Variants in SLIT2 observed in about 807,000 individuals in gnomAD.
The protein encoded by SLIT2 is slit guidance ligand 2, also known as slit homolog 2 protein.
In SLIT2, 41 loss-of-function variants were observed where a neutral mutation model predicts 185.7. That is an observed-to-expected ratio of 0.22 (90% CI 0.17 to 0.29). SLIT2 has a LOEUF of 0.29. Among genes scored for constraint, SLIT2 ranks in the 10% least tolerant of loss-of-function variants. The probability of loss-of-function intolerance (pLI) is 1.00; values close to 1 mark genes in which losing one functional copy is unlikely to be tolerated. For missense variants in SLIT2, 1,571 were observed against 1,909.0 expected, an observed-to-expected ratio of 0.82 and a Z score of 3.30; for synonymous variants, 693 against 680.2, an observed-to-expected ratio of 1.02 and a Z score of -0.29.
intron 4 of SLIT2, among the ~76,000 whole-genome samples, chr4:20,376,878 C>T (rs993192089): frequency 2.0e-5 from 3 of 147,742 alleles, no homozygotes; most frequent in Non-Finnish European, 4.5e-5. Context: ...TGTCGTGGAG[C>T]GGGGGTTGGG....
chr4:20,475,846 G>A (rs1716048098), intron 5 of SLIT2, among the ~76,000 whole-genome samples: 1 of 152,180 alleles, frequency 6.6e-6, no homozygotes, highest in African/African-American at 2.4e-5. Flanking sequence ...ACTGCTATCT[G>A]TTGCTTCTTC....
At chr4:20,283,050 C>T (rs1714925743) in intron 4 of SLIT2, among the ~76,000 whole-genome samples, 1 of 152,138 alleles carries the variant, frequency 6.6e-6, no homozygotes, top group Admixed American at 6.6e-5. Context: ...ATTTCATTAA[C>T]TTAGCACCAC....
At chr4:20,467,635 T>A (rs1714502503) in intron 4 of SLIT2, 117 bp from the exon 5 acceptor site, 1 of 523,328 alleles carries the variant, frequency 1.9e-6, no homozygotes, top group Non-Finnish European at 3.4e-6. Context: ...TTAATTATGA[T>A]CCTTTTAGGG....
At chr4:20,553,520 C>T (rs899058211) in intron 25 of SLIT2, among the ~76,000 whole-genome samples, 2 of 152,186 alleles carry the variant, frequency 1.3e-5, no homozygotes, top group African/African-American at 2.4e-5. Context: ...AATATAAACA[C>T]GTCTCTGAAA....
rs527849891 is a variant in SLIT2 at position 20,253,332 on chromosome 4, G to T, written c.-484G>T. ...GCTTCCGGAGCCCACTTTGATCGGG[G>T]CCATAATACCTATTGAGATCCCCTC... On this transcript the variant is annotated 5_prime_UTR_variant, in exon 1 of 37. Coordinates refer to ENST00000504154, the MANE Select transcript of SLIT2 (RefSeq NM_004787.4). 1.9e-4 allele frequency: 30 copies of T among 156,984 alleles called. No individual in the cohort carries two copies. In the South Asian group the frequency reaches 4.7e-3, roughly 24 times the overall value. The allele number at this position is 156,984 out of a possible 1,614,324, so 9.7% of individuals were successfully genotyped here.
chr4:20,346,218 A>G (rs570539321), intron 4 of SLIT2, among the ~76,000 whole-genome samples: 2 of 152,204 alleles, frequency 1.3e-5, no homozygotes, highest in Non-Finnish European at 2.9e-5. Context: ...CTGGTCTCCA[A>G]TTCCTGGGCT....
rs1325590547 is a variant in SLIT2, at chr4:20,528,132, A to G, written c.1463-817A>G. 1 of 429,752 alleles carries G rather than the reference A, an allele frequency of 2.3e-6. No individual in the cohort carries two copies. The highest frequency in any genetic ancestry group is 7.2e-5 in the East Asian group (1 of 13,892). 26.6% of individuals were successfully genotyped at this position (429,752 alleles called of 1,614,324 possible). A position where few individuals can be genotyped will look rare whatever the true frequency, so the allele number is the denominator to read the frequency against. On this transcript the variant is annotated intron_variant, in intron 15 of 36. Coordinates refer to ENST00000504154, the MANE Select transcript of SLIT2 (RefSeq NM_004787.4). The surrounding 1 kb of genome is among the most constrained non-coding windows in gnomAD (Gnocchi z 4.2). Reference sequence around the variant, plus strand: ...GTGTTTCCAGGAAATCATCGGTAGTAATACTCTTACTGTGGTCATAAACAT... The same window carrying G: ...GTGTTTCCAGGAAATCATCGGTAGTGATACTCTTACTGTGGTCATAAACAT...
chr4:20,390,490 G>A (rs1478702585), intron 4 of SLIT2, among the ~76,000 whole-genome samples: 1 of 151,960 alleles, frequency 6.6e-6, no homozygotes, highest in Non-Finnish European at 1.5e-5. Context: ...GGGGTTCTGG[G>A]GCATGGAGTG....
intron 3 of SLIT2, among the ~76,000 whole-genome samples, chr4:20,260,490 G>A (rs983943587): frequency 6.6e-6 from 1 of 151,652 alleles, no homozygotes; most frequent in South Asian, 2.1e-4. Context: ...TTTTATTCTT[G>A]TGTAATTTAT....
chr4:20,480,838 C>A, intron 6 of SLIT2, 51 bp downstream of exon 6: 3 of 1,338,814 alleles, frequency 2.2e-6, no homozygotes, highest in South Asian at 2.3e-5. Context: ...TGTGTCTGGA[C>A]AGGACTAATG....
intron 11 of SLIT2, among the ~76,000 whole-genome samples, chr4:20,515,156 G>T (rs1187048580): frequency 6.6e-6 from 1 of 152,142 alleles, no homozygotes; most frequent in African/African-American, 2.4e-5. Flanking sequence ...CTAGTTAGAG[G>T]CTGAGCTAGT....
intron 4 of SLIT2, among the ~76,000 whole-genome samples, chr4:20,392,628 TA>T (rs1207058719): frequency 1.3e-5 from 2 of 152,160 alleles, no homozygotes; most frequent in African/African-American, 4.8e-5. Context: ...AAGTACATTG[TA>T]CAGCTGTATA....
chr4:20,595,867 A>AT (rs1255072025), intron 31 of SLIT2, 33 bp downstream of exon 31: 1 of 1,585,560 alleles, frequency 6.3e-7, no homozygotes, highest in Non-Finnish European at 8.7e-7. Context: ...CCTAGTGTTC[A>AT]ATAAGACCTA....
At chr4:20,345,820 A>C (rs1011171726) in intron 4 of SLIT2, among the ~76,000 whole-genome samples, 3 of 151,364 alleles carry the variant, frequency 2.0e-5, no homozygotes, top group African/African-American at 7.3e-5. Flanking sequence ...AGGCGTGAGC[A>C]CCCACGTCTG....
At chr4:20,318,687 A>G (rs1718803753) in intron 4 of SLIT2, among the ~76,000 whole-genome samples, 1 of 152,122 alleles carries the variant, frequency 6.6e-6, no homozygotes, top group East Asian at 1.9e-4. Context: ...CTCACTTTGA[A>G]CACAAGCATG....
intron 9 of SLIT2, among the ~76,000 whole-genome samples, chr4:20,507,409 T>A (rs569241626): frequency 6.6e-6 from 1 of 152,106 alleles, no homozygotes; most frequent in African/African-American, 2.4e-5. Context: ...TCTTCAGTTA[T>A]ATTAAATTAT....
chr4:20,445,773 T>C (rs1200218255), intron 4 of SLIT2, among the ~76,000 whole-genome samples: 1 of 152,184 alleles, frequency 6.6e-6, no homozygotes. Context: ...TTTTTGATTC[T>C]ATAACATTAA....
chr4:20,357,377 A>G (rs1207117946), intron 4 of SLIT2, among the ~76,000 whole-genome samples: 1 of 152,172 alleles, frequency 6.6e-6, no homozygotes, highest in Non-Finnish European at 1.5e-5. Flanking sequence ...GATAGTATCA[A>G]TACAGTTGAT....
intron 18 of SLIT2, among the ~76,000 whole-genome samples, chr4:20,536,005 T>C (rs1468924240): frequency 6.6e-6 from 1 of 152,212 alleles, no homozygotes; most frequent in African/African-American, 2.4e-5. Flanking sequence ...GCTACAAACC[T>C]GTGCAGCATG....
Sources: gnomAD v4.1 joint callset for allele counts (sites outside exome capture counted in the v4.1 genomes callset) on GRCh38, gnomAD v4.1.1 for gene constraint, Gnocchi (gnomAD v3.1) non-coding constraint, MANE v1.5 for transcripts, NCBI Gene and HGNC (gene_info 2026-07-23, HGNC 2026-07-21) for gene names.